The following CHID1 variants were observed in gnomAD, a reference collection of about 807,000 sequenced individuals.
CHID1 encodes the protein chitinase domain containing 1.
Under a neutral mutation model 55.4 loss-of-function variants are expected in CHID1, and 44 were observed. That is an observed-to-expected ratio of 0.79 (90% CI 0.62 to 1.02). The LOEUF (loss-of-function observed/expected upper bound fraction) is 1.02. Among genes scored for constraint, CHID1 ranks in the 50% least tolerant of loss-of-function variants. The probability of loss-of-function intolerance (pLI) is 0.00; values close to 1 mark genes in which losing one functional copy is unlikely to be tolerated. For synonymous variants in CHID1, 216 were observed against 212.9 expected, an observed-to-expected ratio of 1.01 and a Z score of -0.13; for missense variants, 491 against 515.3, an observed-to-expected ratio of 0.95 and a Z score of 0.46.
At chr11:871,831 C>T (rs982192067) in intron 10 of CHID1, among the ~76,000 whole-genome samples, 5 of 152,194 alleles carry the variant, frequency 3.3e-5, no homozygotes, top group Admixed American at 2.6e-4. Context: ...AGGACCGCAC[C>T]TCGAGCCACC....
At chr11:898,619 G>A (rs963266270) in intron 7 of CHID1, among the ~76,000 whole-genome samples, 1 of 152,212 alleles carries the variant, frequency 6.6e-6, no homozygotes, top group African/African-American at 2.4e-5. Context: ...TAGCTGTTTC[G>A]GTGAGTTGGC....
Position 903,150 on chromosome 11 carries a change from G to C in CHID1, c.112-39C>G, listed in dbSNP as rs532824410. On this transcript the variant is annotated intron_variant, in intron 2 of 12. Coordinates refer to ENST00000323578, the MANE Select transcript of CHID1 (RefSeq NM_023947.4). The stretch of plus-strand genomic sequence containing the variant: ...AGTGAGAGAAAAGCCTCAGTCATCT[G>C]TCCACAGTGTAGAGCACAGAGCCCC... The C allele has an allele frequency of 1.3e-4, 201 of 1,596,022 alleles. 2 individuals are homozygous for C. In the South Asian group the frequency reaches 2.1e-3, roughly 16 times the overall value.
intron 8 of CHID1, among the ~76,000 whole-genome samples, chr11:886,826 G>A (rs1054085872): frequency 2.0e-5 from 3 of 152,188 alleles, no homozygotes; most frequent in Non-Finnish European, 2.9e-5. Context: ...GCCAGGCAGC[G>A]TTGGCTGCGT....
chr11:911,719 C>T (rs962463477), upstream of CHID1, among the ~76,000 whole-genome samples: 4 of 152,226 alleles, frequency 2.6e-5, no homozygotes, highest in African/African-American at 2.4e-5. Flanking sequence ...CTGACGCCCA[C>T]GCCTTTCCTA....
rs574619402 is a variant in CHID1, at chr11:885,469, C to T, written c.702-1300G>A. On this transcript the variant is annotated intron_variant, in intron 8 of 12. Coordinates refer to ENST00000323578, the MANE Select transcript of CHID1 (RefSeq NM_023947.4). Reference sequence around the variant, plus strand: ...GGTACGTGGAGCATCATCCATGGTCCCCTCAGCCCCGACCTCTTTTCCTGA... The same window carrying T: ...GGTACGTGGAGCATCATCCATGGTCTCCTCAGCCCCGACCTCTTTTCCTGA... Among the ~76,000 whole-genome samples, 4 of 151,880 alleles carry T rather than the reference C, an allele frequency of 2.6e-5. No individual in the cohort carries two copies. The South Asian group carries it at 8.3e-4, about 31-fold the overall frequency.
chr11:891,190 G>A (rs976762043), intron 8 of CHID1, among the ~76,000 whole-genome samples: 5 of 152,122 alleles, frequency 3.3e-5, no homozygotes, highest in African/African-American at 4.8e-5. Flanking sequence ...CACCTTCACC[G>A]GCCCCGCCGA....
intron 11 of CHID1, 34 bp from the exon 12 acceptor site, chr11:870,197 C>T: frequency 1.2e-6 from 2 of 1,613,062 alleles, no homozygotes; most frequent in Non-Finnish European, 1.7e-6. Flanking sequence ...CCCATCCGCT[C>T]TGCTGGTTCC....
chr11:897,421 G>A (rs557676215), intron 7 of CHID1, among the ~76,000 whole-genome samples: 1 of 152,228 alleles, frequency 6.6e-6, no homozygotes, highest in Non-Finnish European at 1.5e-5. Flanking sequence ...TTAGTGAGAA[G>A]GCTGGAAGCA....
At position 869,490 on chromosome 11, in the gene CHID1, T is replaced by TCCGG. The variant is rs1044515010; in HGVS notation, c.*364_*367dup. ...GCCCTCGAATCCAGGAGTGGGCGAG[T>TCCGG]CCGGGATGGTTCCAGAGCTTCCAAA... On this transcript the variant is annotated 3_prime_UTR_variant, in exon 13 of 13. Coordinates refer to ENST00000323578, the MANE Select transcript of CHID1 (RefSeq NM_023947.4). The TCCGG allele has an allele frequency of 6.6e-6, 2 of 302,992 alleles. No individual in the cohort carries two copies. Among genetic ancestry groups the TCCGG allele is most frequent in the African/African-American group, 4.3e-5 (2 of 46,222 alleles). 18.8% of individuals were successfully genotyped at this position (302,992 alleles called of 1,614,324 possible). A position where few individuals can be genotyped will look rare whatever the true frequency, so the allele number is the denominator to read the frequency against.
intron 1 of CHID1, among the ~76,000 whole-genome samples, chr11:905,916 T>C (rs1255091387): frequency 6.6e-6 from 1 of 152,128 alleles, no homozygotes; most frequent in Non-Finnish European, 1.5e-5. Context: ...AGACAAATAA[T>C]AAACCAGAAA....
chr11:897,478 T>C (rs1424906947), intron 7 of CHID1, among the ~76,000 whole-genome samples: 2 of 152,206 alleles, frequency 1.3e-5, no homozygotes, highest in East Asian at 1.9e-4. Context: ...CAGAGGGTAA[T>C]GGAAGGTCAG....
intron 1 of CHID1, 45 bp downstream of exon 1, chr11:910,730 G>C: frequency 8.0e-7 from 1 of 1,243,976 alleles, no homozygotes; most frequent in Non-Finnish European, 1.0e-6. Context: ...GGAAACTGAG[G>C]CCGTGCAAGG....
intron 10 of CHID1, 175 bp downstream of exon 10, chr11:882,973 G>T: frequency 3.1e-6 from 2 of 636,066 alleles, no homozygotes; most frequent in South Asian, 3.8e-5. Flanking sequence ...CACAGTGGGG[G>T]CTGCGGTGGG....
intron 8 of CHID1, among the ~76,000 whole-genome samples, chr11:892,747 G>A (rs1454123152): frequency 2.6e-5 from 4 of 152,226 alleles, no homozygotes; most frequent in African/African-American, 7.2e-5. Flanking sequence ...GGAGAGCCCT[G>A]GAAAGCTTGG....
chr11:884,198 G>A (rs1183263335), intron 8 of CHID1, 29 bp from the exon 9 acceptor site: 1 of 1,580,994 alleles, frequency 6.3e-7, no homozygotes, highest in Non-Finnish European at 8.7e-7. Flanking sequence ...GCCACCTCAG[G>A]CTGCTATGCC....
intron 7 of CHID1, among the ~76,000 whole-genome samples, chr11:893,853 T>TG (rs1197031806): frequency 3.4e-5 from 5 of 147,462 alleles, no homozygotes; most frequent in African/African-American, 1.2e-4. Context: ...AAAAAAAAGC[T>TG]GGGCACGGTG....
chr11:903,132 G>A (rs1015708305), intron 2 of CHID1, 21 bp from the exon 3 acceptor site: 1 of 1,602,826 alleles, frequency 6.2e-7, no homozygotes, highest in Admixed American at 1.7e-5. Flanking sequence ...AGGAGTGAGA[G>A]AAAAGCCTCA....
intron 12 of CHID1, 75 bp downstream of exon 12, chr11:870,046 G>T (rs1300682606): frequency 8.1e-6 from 13 of 1,608,638 alleles, no homozygotes; most frequent in Non-Finnish European, 1.0e-5. Context: ...GCACCGCCTG[G>T]ACCCCAGGCC....
At chr11:892,803 G>A (rs1462759750) in intron 8 of CHID1, among the ~76,000 whole-genome samples, 1 of 152,254 alleles carries the variant, frequency 6.6e-6, no homozygotes, top group Non-Finnish European at 1.5e-5. Flanking sequence ...GCAACCTACA[G>A]GCTGTGAAGG....
Sources: gnomAD v4.1 joint callset for allele counts (sites outside exome capture counted in the v4.1 genomes callset) on GRCh38, gnomAD v4.1.1 for gene constraint, MANE v1.5 for transcripts, NCBI Gene and HGNC (gene_info 2026-07-23, HGNC 2026-07-21) for gene names.